The following BTRC variants were observed in gnomAD, a reference collection of about 807,000 sequenced individuals.
BTRC encodes the protein F-box/WD repeat-containing protein 1A.
In BTRC, 42 loss-of-function variants were observed where a neutral mutation model predicts 85.5. That is an observed-to-expected ratio of 0.49 (90% CI 0.38 to 0.64). The LOEUF (loss-of-function observed/expected upper bound fraction) is 0.64, where lower values mean the gene tolerates loss of function less well. BTRC is among the 30% of genes least tolerant of loss of function. The pLI is 0.00. For missense variants in BTRC, 594 were observed against 743.5 expected, an observed-to-expected ratio of 0.80 and a Z score of 2.34; for synonymous variants, 255 against 263.3, an observed-to-expected ratio of 0.97 and a Z score of 0.30.
chr10:101,549,032 G>A (rs1209343607), intron 13 of BTRC, among the ~76,000 whole-genome samples: 6 of 150,796 alleles, frequency 4.0e-5, no homozygotes, highest in Admixed American at 2.6e-4. Flanking sequence ...CACCCTGGGC[G>A]ACAGAGCGAG....
chr10:101,423,327 A>G (rs916896441), intron 1 of BTRC, among the ~76,000 whole-genome samples: 4 of 152,218 alleles, frequency 2.6e-5, no homozygotes, highest in African/African-American at 7.2e-5. Context: ...AAAGCTAACT[A>G]ACAAAGCTTG....
At chr10:101,446,748 A>G (rs1181235726) in intron 2 of BTRC, among the ~76,000 whole-genome samples, 1 of 152,192 alleles carries the variant, frequency 6.6e-6, no homozygotes, top group Non-Finnish European at 1.5e-5. Flanking sequence ...TAGCTTTATA[A>G]TGGAATGTAA....
chr10:101,459,587 G>A (rs1010745858), intron 2 of BTRC, among the ~76,000 whole-genome samples: 1 of 152,132 alleles, frequency 6.6e-6, no homozygotes, highest in African/African-American at 2.4e-5. Context: ...ATGTTTATGG[G>A]TTTCCCCCAT....
At chr10:101,527,358 C>CAAG (rs113707398) in intron 6 of BTRC, among the ~76,000 whole-genome samples, 6 of 152,100 alleles carry the variant, frequency 3.9e-5, no homozygotes, top group Non-Finnish European at 5.9e-5. Context: ...CCAAATGCCT[C>CAAG]AGATTTTTAT....
At chr10:101,505,571 G>A (rs1181642739) in intron 4 of BTRC, among the ~76,000 whole-genome samples, 1 of 151,030 alleles carries the variant, frequency 6.6e-6, no homozygotes, top group Non-Finnish European at 1.5e-5. Flanking sequence ...AGTGAGCAGA[G>A]ATTGTGCCAC....
chr10:101,396,406 ATTTTT>A (rs1265051187), intron 1 of BTRC, among the ~76,000 whole-genome samples: 2 of 127,136 alleles, frequency 1.6e-5, no homozygotes, highest in East Asian at 2.3e-4. Flanking sequence ...GGAGGTGAAG[ATTTTT>A]TTTTTTTTTT....
chr10:101,421,432 T>C (rs952181299), intron 1 of BTRC, among the ~76,000 whole-genome samples: 1 of 152,156 alleles, frequency 6.6e-6, no homozygotes, highest in African/African-American at 2.4e-5. Context: ...TAACTACTCA[T>C]CAACGTGTAA....
At chr10:101,379,213 A>G (rs550998893) in intron 1 of BTRC, among the ~76,000 whole-genome samples, 1 of 152,338 alleles carries the variant, frequency 6.6e-6, no homozygotes, top group South Asian at 2.1e-4. Flanking sequence ...CTTTTCATGT[A>G]GGTATGGGTC....
chr10:101,519,989 C>G (rs977536174), intron 4 of BTRC, among the ~76,000 whole-genome samples: 1 of 152,094 alleles, frequency 6.6e-6, no homozygotes, highest in African/African-American at 2.4e-5. Context: ...GACTGAAACT[C>G]TGTCTCAAAA....
chr10:101,404,842 C>T (rs1472614157), intron 1 of BTRC, among the ~76,000 whole-genome samples: 1 of 151,796 alleles, frequency 6.6e-6, no homozygotes, highest in African/African-American at 2.4e-5. Context: ...ACTAAAAATA[C>T]AAAAAATTAG....
At chr10:101,361,491 A>G (rs1443510563) in intron 1 of BTRC, among the ~76,000 whole-genome samples, 1 of 152,262 alleles carries the variant, frequency 6.6e-6, no homozygotes, top group African/African-American at 2.4e-5. Context: ...TATTTACCAA[A>G]GTTTAACAAC....
chr10:101,508,938 T>TAAAAAAAAAAAAAAAAAA (rs1554890315), intron 4 of BTRC, among the ~76,000 whole-genome samples: 12 of 106,540 alleles, frequency 1.1e-4, no homozygotes, highest in Non-Finnish European at 2.2e-4. Context: ...AAAAAAAAAC[T>TAAAAAAAAAAAAAAAAAA]AAAAGTAGAA....
Position 101,525,995 on chromosome 10 carries a change from T to C in BTRC, c.557-18T>C. ...ACCTTCTGTGTTCTTTTTCTTTGCC[T>C]CCTCCCCCTACTGAAAGCTCGGGGA... On this transcript the variant is annotated intron_variant, in intron 5 of 14. Coordinates refer to ENST00000370187, the MANE Select transcript of BTRC (RefSeq NM_033637.4). 6.2e-7 allele frequency: 1 copy of C among 1,610,112 alleles called. No homozygotes were observed. Among genetic ancestry groups the C allele is most frequent in the Non-Finnish European group, 8.5e-7 (1 of 1,176,962 alleles).
intron 2 of BTRC, among the ~76,000 whole-genome samples, chr10:101,447,819 G>T (rs1482883142): frequency 6.6e-6 from 1 of 151,984 alleles, no homozygotes. Context: ...TAAATTAAAA[G>T]GCCACTTTAA....
chr10:101,367,080 A>T (rs10883626), intron 1 of BTRC, among the ~76,000 whole-genome samples: 75,676 of 83,986 alleles, frequency 0.9, 34,314 homozygotes, highest in East Asian at 0.98. Context: ...ATATATATAT[A>T]TTTTTTTCGA....
intron 4 of BTRC, among the ~76,000 whole-genome samples, chr10:101,513,295 A>G (rs2061980047): frequency 6.6e-6 from 1 of 152,206 alleles, no homozygotes; most frequent in Non-Finnish European, 1.5e-5. Flanking sequence ...TTTTTAAAAT[A>G]ACTTTATTAA....
rs564891688 is a variant in BTRC, at chr10:101,370,404, G to A, written c.48+16176G>A. Among the ~76,000 whole-genome samples, 3 of 152,092 alleles carry A rather than the reference G, an allele frequency of 2.0e-5. No individual in the cohort carries two copies. In the East Asian group the frequency reaches 5.8e-4, roughly 29 times the overall value. ...GCTGGTATTACAGGTGTGAGCCATC[G>A]GGCCCGCCCCTTCTTCCTTATCCTG... On this transcript the variant is annotated intron_variant, in intron 1 of 14. Transcript: ENST00000370187.
At chr10:101,468,093 G>A (rs1298838405) in intron 3 of BTRC, among the ~76,000 whole-genome samples, 3 of 152,172 alleles carry the variant, frequency 2.0e-5, no homozygotes, top group African/African-American at 7.2e-5. Context: ...TCAAAAAGGA[G>A]CAATTTAATA....
chr10:101,373,958 G>T (rs1462161754), intron 1 of BTRC, among the ~76,000 whole-genome samples: 1 of 151,788 alleles, frequency 6.6e-6, no homozygotes, highest in African/African-American at 2.4e-5. Context: ...AAAAAAGATG[G>T]TCAAAGTGAT....
Sources: allele counts gnomAD v4.1 joint callset (sites outside exome capture counted in the v4.1 genomes callset), GRCh38; gene constraint gnomAD v4.1.1; transcripts MANE v1.5; gene names NCBI Gene and HGNC (gene_info 2026-07-23, HGNC 2026-07-21).